Variants in RPTOR observed in about 807,000 individuals in gnomAD.
RPTOR encodes the protein regulatory-associated protein of mTOR.
In RPTOR, 21 loss-of-function variants were observed where a neutral mutation model predicts 169.9. That is an observed-to-expected ratio of 0.12 (90% CI 0.09 to 0.18). The LOEUF is 0.18. RPTOR is among the 10% of genes least tolerant of loss of function. The pLI is 1.00. For synonymous variants in RPTOR, 732 were observed against 753.2 expected, an observed-to-expected ratio of 0.97 and a Z score of 0.46; for missense variants, 1,133 against 1,855.9, an observed-to-expected ratio of 0.61 and a Z score of 7.16.
chr17:80,863,653 G>A (rs908758724), intron 13 of RPTOR, among the ~76,000 whole-genome samples: 5 of 152,206 alleles, frequency 3.3e-5, no homozygotes, highest in Admixed American at 6.5e-5. Context: ...CGGGGCTCAC[G>A]TCTGTAATCT....
intron 21 of RPTOR, chr17:80,909,812 C>G (rs958401723): frequency 6.6e-6 from 1 of 152,142 alleles, no homozygotes; most frequent in African/African-American, 2.4e-5. Flanking sequence ...TGTTGTTTGT[C>G]CATTTTCCAT....
At chr17:80,880,975 T>G (rs1194535378) in intron 14 of RPTOR, among the ~76,000 whole-genome samples, 1 of 151,966 alleles carries the variant, frequency 6.6e-6, no homozygotes, top group African/African-American at 2.4e-5. Flanking sequence ...TCAGTATACT[T>G]TATTGTATTA....
intron 24 of RPTOR, among the ~76,000 whole-genome samples, chr17:80,930,331 C>CATCCTCAGCTCATT (rs1567993592): frequency 6.5e-5 from 5 of 76,764 alleles, no homozygotes; most frequent in Non-Finnish European, 1.3e-4. Context: ...CTCAGCTCAT[C>CATCCTCAGCTCATT]CTCAGCTCAT....
intron 29 of RPTOR, among the ~76,000 whole-genome samples, chr17:80,958,283 G>A (rs2069282794): frequency 6.6e-6 from 1 of 150,738 alleles, no homozygotes; most frequent in African/African-American, 2.4e-5. Context: ...GTAGAAACAG[G>A]GGTCTCAGTA....
chr17:80,876,962 G>A (rs1184962515), intron 13 of RPTOR, among the ~76,000 whole-genome samples: 2 of 138,746 alleles, frequency 1.4e-5, no homozygotes, highest in Admixed American at 7.3e-5. Flanking sequence ...TGTGTGTGTC[G>A]CCTGCCGGGT....
At chr17:80,943,038 A>G (rs1019181942) in intron 25 of RPTOR, among the ~76,000 whole-genome samples, 2 of 152,144 alleles carry the variant, frequency 1.3e-5, no homozygotes, top group African/African-American at 2.4e-5. Flanking sequence ...CGTGGCATTC[A>G]TTTCCTTTCC....
chr17:80,738,889 A>C (rs1436251326), intron 5 of RPTOR, among the ~76,000 whole-genome samples: 1 of 152,244 alleles, frequency 6.6e-6, no homozygotes, highest in Non-Finnish European at 1.5e-5. Flanking sequence ...GAGAAGAAAC[A>C]AAGAAAACTT....
intron 17 of RPTOR, among the ~76,000 whole-genome samples, chr17:80,891,015 G>A (rs887351682): frequency 9.9e-5 from 15 of 151,696 alleles, no homozygotes; most frequent in African/African-American, 2.2e-4. Flanking sequence ...AAAAGTTGTC[G>A]TAGGGAAAAA....
intron 9 of RPTOR, among the ~76,000 whole-genome samples, chr17:80,828,430 C>T (rs965161611): frequency 6.6e-6 from 1 of 152,344 alleles, no homozygotes; most frequent in Non-Finnish European, 1.5e-5. Flanking sequence ...GGGGAGTCAG[C>T]AGCCCTGTCC....
intron 24 of RPTOR, among the ~76,000 whole-genome samples, chr17:80,934,009 C>A (rs35071447): frequency 0.32 from 47,877 of 147,628 alleles, 6,820 homozygotes; most frequent in East Asian, 0.45. Flanking sequence ...CGGTGCAATA[C>A]CTTCCATCAC....
chr17:80,681,771 C>T (rs1038299372), intron 3 of RPTOR, among the ~76,000 whole-genome samples: 3 of 118,006 alleles, frequency 2.5e-5, no homozygotes, highest in Non-Finnish European at 5.3e-5. Flanking sequence ...ATGAGGTGTA[C>T]GTCTCTTACA....
At chr17:80,826,882 G>A (rs541267782) in intron 9 of RPTOR, among the ~76,000 whole-genome samples, 17 of 152,390 alleles carry the variant, frequency 1.1e-4, no homozygotes, top group Non-Finnish European at 1.6e-4. Context: ...ACCTTCAACC[G>A]GCAGAAGAAA....
At chr17:80,798,252 TA>T (rs2067120571) in intron 7 of RPTOR, among the ~76,000 whole-genome samples, 1 of 152,166 alleles carries the variant, frequency 6.6e-6, no homozygotes, top group South Asian at 2.1e-4. Context: ...GCTGGAAGCG[TA>T]GCAGTGTCCA....
chr17:80,860,486 C>T lies in RPTOR; in HGVS notation c.1509+2586C>T, dbSNP rs970624370. ...GCCCACGGACCCCTGGGCCCCTGCT[C>T]AGCCCTTCTGCTCCCTGCACCCAGC... On this transcript the variant is annotated intron_variant, in intron 13 of 33. Transcript: ENST00000306801. The surrounding 1 kb of genome is among the most constrained non-coding windows in gnomAD (Gnocchi z 5.8). Among the ~76,000 whole-genome samples, 1 of 152,172 alleles carries T rather than the reference C, an allele frequency of 6.6e-6. No individual in the cohort carries two copies. Among genetic ancestry groups the T allele is most frequent in the African/African-American group, 2.4e-5 (1 of 41,436 alleles).
chr17:80,653,680 C>T (rs891270357), intron 3 of RPTOR, among the ~76,000 whole-genome samples: 7 of 152,228 alleles, frequency 4.6e-5, no homozygotes, highest in African/African-American at 9.6e-5. Flanking sequence ...CGGTCTCCGC[C>T]GTGCTGCGGC....
At chr17:80,773,695 G>C (rs1453251136) in intron 6 of RPTOR, 2 of 707,900 alleles carry the variant, frequency 2.8e-6, no homozygotes, top group Non-Finnish European at 3.5e-6. Flanking sequence ...ATTTGGATTT[G>C]CTTCCTCTGG....
chr17:80,654,403 G>T, intron 3 of RPTOR, among the ~76,000 whole-genome samples: 1 of 152,348 alleles, frequency 6.6e-6, no homozygotes, highest in Non-Finnish European at 1.5e-5. Context: ...GGAAGACGGC[G>T]CAGTCCACTG....
At chr17:80,561,976 A>G (rs1723412464) in intron 1 of RPTOR, among the ~76,000 whole-genome samples, 1 of 152,080 alleles carries the variant, frequency 6.6e-6, no homozygotes, top group African/African-American at 2.4e-5. Context: ...GTACATGTTT[A>G]TACGTATGTA....
rs1467957771 is a variant in RPTOR, at chr17:80,681,780, C to T, written c.349-26061C>T. ...ACCTTCATGAGGTGTACGTCTCTTACACCTTCATGAGGTGTACGTCTCTTA... is the reference window on the plus strand; with the variant it reads ...ACCTTCATGAGGTGTACGTCTCTTATACCTTCATGAGGTGTACGTCTCTTA... On this transcript the variant is annotated intron_variant, in intron 3 of 33. Coordinates refer to ENST00000306801, the MANE Select transcript of RPTOR (RefSeq NM_020761.3). 8.9e-5 allele frequency among the ~76,000 whole-genome samples: 11 copies of T among 124,260 alleles called. 1 individual carries two copies. The highest frequency in any genetic ancestry group is 7.0e-4 in the Admixed American group (9 of 12,934). 81.5% of individuals were successfully genotyped at this position (124,260 alleles called of 152,430 possible).
Sources: gnomAD v4.1 joint callset for allele counts (sites outside exome capture counted in the v4.1 genomes callset) on GRCh38, gnomAD v4.1.1 for gene constraint, Gnocchi (gnomAD v3.1) non-coding constraint, MANE v1.5 for transcripts, NCBI Gene and HGNC (gene_info 2026-07-23, HGNC 2026-07-21) for gene names.